Variants in AKAP13 observed in about 807,000 individuals in gnomAD.
The protein encoded by AKAP13 is A-kinase anchoring protein 13.
In AKAP13, 80 loss-of-function variants were observed where a neutral mutation model predicts 264.5. The observed-to-expected ratio is 0.30, with a 90% CI of 0.25 to 0.36. The LOEUF is 0.36. AKAP13 is among the 10% of genes least tolerant of loss of function. AKAP13 has a pLI of 1.00. For missense variants in AKAP13, 3,712 were observed against 3,435.2 expected (o/e 1.08, Z -2.01); for synonymous variants, 1,380 against 1,250.2 (o/e 1.10, Z -2.19).
At position 85,398,578 on chromosome 15, in the gene AKAP13, CAG is replaced by C. The variant is rs200806496; in HGVS notation, c.-12+17783_-12+17784del. Among the ~76,000 whole-genome samples the C allele has an allele frequency of 4.2e-3, 639 of 152,248 alleles. 10 individuals are homozygous for C. Among genetic ancestry groups the C allele is most frequent in the Admixed American group, 0.038 (576 of 15,300 alleles). On this transcript the variant is annotated intron_variant, in intron 1 of 36. Coordinates refer to ENST00000394518, the MANE Select transcript of AKAP13 (RefSeq NM_007200.5). Reference sequence around the variant, plus strand: ...GATTTCTTTTTTGTTGTTGTTGAGACAGAGTCTCACTCTGTCGCCCAGGCCAG... The same window carrying C: ...GATTTCTTTTTTGTTGTTGTTGAGACAGTCTCACTCTGTCGCCCAGGCCAG...
In AKAP13 at chr15:85,747,074, C is replaced by T. The variant is rs1365821899; in HGVS notation, c.*2397C>T. 2 of 152,088 alleles carry T rather than the reference C, an allele frequency of 1.3e-5. No individual in the cohort carries two copies. Among genetic ancestry groups the T allele is most frequent in the Non-Finnish European group, 2.9e-5 (2 of 68,036 alleles). 9.4% of individuals were successfully genotyped at this position (152,088 alleles called of 1,614,324 possible). A position where few individuals can be genotyped will look rare whatever the true frequency, so the allele number is the denominator to read the frequency against. On this transcript the variant is annotated 3_prime_UTR_variant, in exon 37 of 37. Coordinates refer to ENST00000394518, the MANE Select transcript of AKAP13 (RefSeq NM_007200.5). ...ATAGAGATTTCACATCTGCCCAGAC[C>T]CCACTCAAAACGATTTGGTCAGGTT...
intron 19 of AKAP13, among the ~76,000 whole-genome samples, chr15:85,714,111 AAC>A (rs1491147854): frequency 6.6e-6 from 1 of 152,212 alleles, no homozygotes; most frequent in Non-Finnish European, 1.5e-5. Context: ...CAATAACATA[AAC>A]AGTCAATTAA....
At chr15:85,613,700 A>ATGTATG (rs1567155741) in intron 8 of AKAP13, among the ~76,000 whole-genome samples, 2 of 121,358 alleles carry the variant, frequency 1.6e-5, no homozygotes, top group African/African-American at 6.1e-5. Context: ...AAATATATAT[A>ATGTATG]TATATATATA....
chr15:85,717,883 T>A, intron 21 of AKAP13, 124 bp from the exon 22 acceptor site: 3 of 916,718 alleles, frequency 3.3e-6, no homozygotes, highest in Non-Finnish European at 4.9e-6. Flanking sequence ...GAATATGATC[T>A]CTGTGAATAT....
chr15:85,630,208 C>CACAT (rs1491087179), intron 8 of AKAP13, among the ~76,000 whole-genome samples: 1 of 44,910 alleles, frequency 2.2e-5, no homozygotes, highest in Non-Finnish European at 3.9e-5. Context: ...CACACACACA[C>CACAT]ATCATGAACT....
At chr15:85,398,081 G>A (rs1168624850) in intron 1 of AKAP13, among the ~76,000 whole-genome samples, 3 of 152,166 alleles carry the variant, frequency 2.0e-5, no homozygotes, top group Non-Finnish European at 4.4e-5. Flanking sequence ...CTTGAACATG[G>A]ATCTTACTCT....
intron 5 of AKAP13, among the ~76,000 whole-genome samples, chr15:85,557,224 A>G (rs1289856319): frequency 6.6e-6 from 1 of 152,232 alleles, no homozygotes; most frequent in Non-Finnish European, 1.5e-5. Context: ...CCCTCATTTC[A>G]GCCCTTAGCT....
At chr15:85,576,827 G>A (rs1375551211) in intron 6 of AKAP13, among the ~76,000 whole-genome samples, 1 of 152,186 alleles carries the variant, frequency 6.6e-6, no homozygotes, top group East Asian at 1.9e-4. Flanking sequence ...GTGAATGGTA[G>A]TTCACTTGAA....
At chr15:85,666,144 A>T (rs924416739) in intron 13 of AKAP13, among the ~76,000 whole-genome samples, 4 of 152,218 alleles carry the variant, frequency 2.6e-5, no homozygotes, top group African/African-American at 9.6e-5. Flanking sequence ...TCCCGCCAAC[A>T]GTGTAAAAGC....
intron 6 of AKAP13, among the ~76,000 whole-genome samples, chr15:85,575,768 G>T (rs1377386218): frequency 6.6e-6 from 1 of 152,196 alleles, no homozygotes; most frequent in African/African-American, 2.4e-5. Context: ...GCCAACACAG[G>T]TGGATCACTT....
At chr15:85,603,290 G>C (rs1485988915) in intron 8 of AKAP13, among the ~76,000 whole-genome samples, 1 of 152,198 alleles carries the variant, frequency 6.6e-6, no homozygotes, top group Non-Finnish European at 1.5e-5. Flanking sequence ...TTTTAAAAAG[G>C]TGTGTACTCA....
In AKAP13 at chr15:85,581,571, G is replaced by A; in HGVS notation, c.3503G>A (p.Ser1168Asn). The change falls in exon 7 of 37, where the codon AGC becomes AAC. Residue 1168 changes from serine to asparagine, a missense_variant. By Grantham distance (46) the Ser-to-Asn change is conservative. Transcript: ENST00000394518. ...GGGAAGCTGGAGGGAGCAGACCACA[G>A]CTGTACCATGGGTGACGCTGAGGAA... ...EKGKLEGADH[S>N]CTMGDAEEAQ... 6.2e-7 allele frequency: 1 copy of A among 1,614,186 alleles called. No homozygotes were observed. The highest frequency in any genetic ancestry group is 2.2e-5 in the East Asian group (1 of 44,870).
At chr15:85,582,810 A>T (rs2079179859) in intron 7 of AKAP13, 1 of 936,400 alleles carries the variant, frequency 1.1e-6, no homozygotes, top group South Asian at 4.9e-5. Context: ...AGGGGATAGG[A>T]TGCAGGATTT....
chr15:85,604,132 A>G (rs1405477167), intron 8 of AKAP13, among the ~76,000 whole-genome samples: 2 of 152,212 alleles, frequency 1.3e-5, no homozygotes, highest in Non-Finnish European at 2.9e-5. Flanking sequence ...ACATAAGGGG[A>G]TACAGTATTT....
intron 10 of AKAP13, among the ~76,000 whole-genome samples, chr15:85,653,987 G>T (rs933211210): frequency 1.3e-5 from 2 of 152,158 alleles, no homozygotes; most frequent in African/African-American, 4.8e-5. Flanking sequence ...CAGTAGCTGG[G>T]ATTACAGGCA....
At chr15:85,702,906 G>A (rs1468977131) in intron 17 of AKAP13, 2 of 152,206 alleles carry the variant, frequency 1.3e-5, no homozygotes, top group African/African-American at 2.4e-5. Context: ...TAGTGACTTA[G>A]TGGGGTCTTT....
chr15:85,740,846 GT>G (rs1425711029), intron 34 of AKAP13, among the ~76,000 whole-genome samples, 199 bp from the exon 35 acceptor site: 4 of 136,592 alleles, frequency 2.9e-5, no homozygotes, highest in Admixed American at 8.9e-5. Flanking sequence ...AAACCCGTGA[GT>G]TCCTGCACCT....
At chr15:85,508,142 ATTT>A (rs79249227) in intron 2 of AKAP13, among the ~76,000 whole-genome samples, 7 of 137,886 alleles carry the variant, frequency 5.1e-5, no homozygotes, top group Non-Finnish European at 4.8e-5. Context: ...ACTTTGTGTA[ATTT>A]TTTTTTTTTT....
chr15:85,717,242 A>G (rs1411999870), intron 20 of AKAP13, 48 bp from the exon 21 acceptor site: 1 of 1,247,988 alleles, frequency 8.0e-7, no homozygotes, highest in Non-Finnish European at 1.2e-6. Flanking sequence ...TGCAAGCCAT[A>G]GGTTATCAGA....
Sources: gnomAD v4.1 joint callset for allele counts (sites outside exome capture counted in the v4.1 genomes callset) on GRCh38, gnomAD v4.1.1 for gene constraint, MANE v1.5 for transcripts, NCBI Gene and HGNC (gene_info 2026-07-23, HGNC 2026-07-21) for gene names.